MTSS1: variants seen among roughly 807,000 people sequenced by gnomAD.
MTSS1 encodes protein MTSS 1.
A neutral mutation model predicts 79.0 loss-of-function variants in MTSS1; 18 were observed. The observed-to-expected ratio is 0.23, with a 90% CI of 0.16 to 0.34. The LOEUF (loss-of-function observed/expected upper bound fraction) is 0.34. Ranked by LOEUF, MTSS1 falls within the 10% of genes least tolerant of loss-of-function variation. The pLI, the probability that MTSS1 is intolerant of heterozygous loss-of-function variation, is 1.00. For synonymous variants in MTSS1, 341 were observed against 368.6 expected, an observed-to-expected ratio of 0.93 and a Z score of 0.86; for missense variants, 815 against 986.2, an observed-to-expected ratio of 0.83 and a Z score of 2.33.
intron 3 of MTSS1, 90 bp from the exon 4 acceptor site, chr8:124,591,325 C>T: frequency 9.5e-7 from 1 of 1,051,512 alleles, no homozygotes. Flanking sequence ...AGTCAGATTT[C>T]ACCACATTGT....
chr8:124,712,005 C>CAGA (rs1831237053), intron 1 of MTSS1, among the ~76,000 whole-genome samples: 1 of 131,364 alleles, frequency 7.6e-6, no homozygotes, highest in African/African-American at 3.0e-5. Context: ...GAGACTGTCT[C>CAGA]AGAAAAAAAA....
At position 124,550,819 on chromosome 8, in the gene MTSS1, G is replaced by A. The variant is rs1318696985; in HGVS notation, c.*2173C>T. ...TAGTGGTTCTTTATTTATAACGTAG[G>A]CTGAAGCAATTGTTACAATGTAGGA... On this transcript the variant is annotated 3_prime_UTR_variant, in exon 14 of 14. Coordinates refer to ENST00000518547, the MANE Select transcript of MTSS1 (RefSeq NM_014751.6). 1 of 152,470 alleles carries A rather than the reference G, an allele frequency of 6.6e-6. No homozygotes were observed. The highest frequency in any genetic ancestry group is 2.4e-5 in the African/African-American group (1 of 41,392). 9.4% of individuals were successfully genotyped at this position (152,470 alleles called of 1,614,324 possible).
At chr8:124,647,142 G>A (rs113439106) in intron 3 of MTSS1, among the ~76,000 whole-genome samples, 10 of 152,254 alleles carry the variant, frequency 6.6e-5, no homozygotes, top group Admixed American at 2.0e-4. Flanking sequence ...GAGCCACCAC[G>A]CAGTCATTCC....
rs1488942973 is a variant in MTSS1, at chr8:124,597,431, C to A, written c.209-6196G>T. On this transcript the variant is annotated intron_variant, in intron 3 of 13. Transcript: ENST00000518547. This position sits in a 1 kb window ranked among gnomAD's most constrained non-coding sequence, Gnocchi z 4.6. ...CAAACAGAATACAAATTGTTTAATG[C>A]ATATTTGGGGGGGTAGGGAGGAAAT... is the stretch of plus-strand genomic sequence containing the variant. 1.3e-5 allele frequency among the ~76,000 whole-genome samples: 2 copies of A among 152,172 alleles called. No individual in the cohort carries two copies. Among genetic ancestry groups the A allele is most frequent in the African/African-American group, 4.8e-5 (2 of 41,448 alleles).
intron 1 of MTSS1, among the ~76,000 whole-genome samples, chr8:124,711,788 C>G (rs1227599159): frequency 3.9e-5 from 6 of 152,106 alleles, no homozygotes; most frequent in Non-Finnish European, 8.8e-5. Flanking sequence ...AGATGGATCA[C>G]CTGAGCTCAG....
chr8:124,627,113 G>T (rs1466404359), intron 3 of MTSS1, among the ~76,000 whole-genome samples: 1 of 151,868 alleles, frequency 6.6e-6, no homozygotes, highest in Non-Finnish European at 1.5e-5. Flanking sequence ...TGCCACCAGG[G>T]TCTCAAAAGA....
In MTSS1 at chr8:124,694,569, G is replaced by T. The variant is rs117826968; in HGVS notation, c.208+4957C>A. Among the ~76,000 whole-genome samples, 569 of 152,134 alleles carry T rather than the reference G, an allele frequency of 3.7e-3. 2 individuals are homozygous for T. Among genetic ancestry groups the T allele is most frequent in the Non-Finnish European group, 6.0e-3 (405 of 67,990 alleles). ...TTTATTGAATGTGTACCATGGGCTG[G>T]GCTCTGTTCTGAGTGGTTCATGTGT... On this transcript the variant is annotated intron_variant, in intron 3 of 13. Transcript: ENST00000518547.
intron 5 of MTSS1, among the ~76,000 whole-genome samples, chr8:124,586,765 A>G (rs1388782106): frequency 6.6e-6 from 1 of 152,190 alleles, no homozygotes; most frequent in Non-Finnish European, 1.5e-5. Context: ...CAGGCCGGAC[A>G]ATGGGTCTCA....
chr8:124,654,828 T>C (rs1160222685), intron 3 of MTSS1, among the ~76,000 whole-genome samples: 2 of 152,164 alleles, frequency 1.3e-5, no homozygotes, highest in Non-Finnish European at 2.9e-5. Context: ...ATCAGCCCTA[T>C]GAAGTATCTT....
chr8:124,599,832 T>C (rs1833464197), intron 3 of MTSS1, among the ~76,000 whole-genome samples: 1 of 152,124 alleles, frequency 6.6e-6, no homozygotes, highest in African/African-American at 2.4e-5. Flanking sequence ...GTAGCAACAG[T>C]GTCTCTCACC....
intron 3 of MTSS1, among the ~76,000 whole-genome samples, chr8:124,591,798 T>C (rs1312256081): frequency 6.6e-6 from 1 of 152,122 alleles, no homozygotes; most frequent in Non-Finnish European, 1.5e-5. Flanking sequence ...TTTTTTTTTT[T>C]GAGATGGAAT....
intron 6 of MTSS1, among the ~76,000 whole-genome samples, chr8:124,583,126 CACCGTGTGGAAAAG>C (rs1176560898): frequency 6.6e-6 from 1 of 152,134 alleles, no homozygotes; most frequent in East Asian, 1.9e-4. Flanking sequence ...GACCTAAGTC[CACCGTGTGGAAAAG>C]ACACGGTGCC....
At position 124,556,590 on chromosome 8, in the gene MTSS1, G is replaced by A. The variant is rs556171116; in HGVS notation, c.1231-185C>T. The A allele has an allele frequency of 4.2e-5, 28 of 661,802 alleles. No individual in the cohort carries two copies. The East Asian group carries it at 7.5e-4, about 18-fold the overall frequency. The allele number at this position is 661,802 out of a possible 1,614,324, so 41.0% of individuals were successfully genotyped here. ...AAAGGGCAAGGAATGGAAACCCTTTGGGAGCCCCCTGTGTACCTCCCTTTT... is the reference window on the plus strand; with the variant it reads ...AAAGGGCAAGGAATGGAAACCCTTTAGGAGCCCCCTGTGTACCTCCCTTTT... On this transcript the variant is annotated intron_variant, in intron 11 of 13. Coordinates refer to ENST00000518547, the MANE Select transcript of MTSS1 (RefSeq NM_014751.6).
At chr8:124,705,339 C>T (rs1368739788) in intron 1 of MTSS1, among the ~76,000 whole-genome samples, 3 of 152,036 alleles carry the variant, frequency 2.0e-5, no homozygotes, top group African/African-American at 7.2e-5. Context: ...GGCATGGTGG[C>T]GCATGCTTGT....
intron 3 of MTSS1, among the ~76,000 whole-genome samples, chr8:124,617,326 C>T (rs1837056215): frequency 6.6e-6 from 1 of 152,196 alleles, no homozygotes; most frequent in Non-Finnish European, 1.5e-5. Flanking sequence ...AGAGAGCCCG[C>T]TGGGTCCCAG....
chr8:124,692,117 C>A (rs1194190426), intron 3 of MTSS1, among the ~76,000 whole-genome samples: 11 of 151,066 alleles, frequency 7.3e-5, no homozygotes, highest in Admixed American at 7.3e-4. Flanking sequence ...GCAACCTCCG[C>A]CTCCTGAGTT....
intron 3 of MTSS1, among the ~76,000 whole-genome samples, chr8:124,622,352 A>C (rs1230099024): frequency 2.0e-5 from 3 of 152,010 alleles, no homozygotes; most frequent in Non-Finnish European, 4.4e-5. Context: ...TGTAGGTGAA[A>C]GGACGCAGAG....
chr8:124,638,703 C>A (rs1466290180), intron 3 of MTSS1, among the ~76,000 whole-genome samples: 1 of 152,184 alleles, frequency 6.6e-6, no homozygotes, highest in Non-Finnish European at 1.5e-5. Context: ...CATTTAATAA[C>A]CTAGGGGTCT....
chr8:124,689,438 A>C (rs1344154333), intron 3 of MTSS1, among the ~76,000 whole-genome samples: 1 of 151,918 alleles, frequency 6.6e-6, no homozygotes, highest in African/African-American at 2.4e-5. Flanking sequence ...TCTTCACAAG[A>C]GAACATTAAA....
Sources: allele counts gnomAD v4.1 joint callset (sites outside exome capture counted in the v4.1 genomes callset), GRCh38; gene constraint gnomAD v4.1.1; non-coding constraint Gnocchi (gnomAD v3.1); transcripts MANE v1.5; gene names NCBI Gene and HGNC (gene_info 2026-07-23, HGNC 2026-07-21).